Variants in WASHC2C observed in about 807,000 individuals in gnomAD.
The protein encoded by WASHC2C is Vaccinia Penetration Factor.
Under a neutral mutation model 142.2 loss-of-function variants are expected in WASHC2C, and 73 were observed. The observed-to-expected ratio is 0.51, with a 90% CI of 0.43 to 0.62. The LOEUF (loss-of-function observed/expected upper bound fraction) is 0.62, where lower values mean the gene tolerates loss of function less well. Among genes scored for constraint, WASHC2C ranks in the 20% least tolerant of loss-of-function variants. The pLI is 0.00. For synonymous variants in WASHC2C, 337 were observed against 565.5 expected (o/e 0.60, Z 5.73); for missense variants, 969 against 1,531.7 (o/e 0.63, Z 6.13).
At chr10:45,770,240 CAAAAA>C (rs552574113) in intron 20 of WASHC2C, among the ~76,000 whole-genome samples, 14 of 83,158 alleles carry the variant, frequency 1.7e-4, no homozygotes, top group Non-Finnish European at 2.3e-5. Context: ...GACTCCATCT[CAAAAA>C]AAAAAAAAAA....
At chr10:45,727,357 T>A (rs755640248) in intron 1 of WASHC2C, 37 bp downstream of exon 1, 7 of 1,601,584 alleles carry the variant, frequency 4.4e-6, no homozygotes, top group African/African-American at 1.3e-5. Flanking sequence ...CGGCCTGGGC[T>A]GGGGCCGCCG....
intron 28 of WASHC2C, among the ~76,000 whole-genome samples, chr10:45,787,970 A>G (rs2058167495): frequency 6.6e-6 from 1 of 152,230 alleles, no homozygotes; most frequent in Admixed American, 6.5e-5. Context: ...TCCCTTCTCT[A>G]GAAAGCTTTA....
At chr10:45,735,539 A>G (rs1350016211) in intron 3 of WASHC2C, among the ~76,000 whole-genome samples, 1 of 152,198 alleles carries the variant, frequency 6.6e-6, no homozygotes, top group Non-Finnish European at 1.5e-5. Context: ...TACAGGCATG[A>G]GCCACTGTCC....
Position 45,769,599 on chromosome 10 carries a change from T to C in WASHC2C, c.2020T>C (p.Phe674Leu). ...TGAGGAAGACAAAGAAGATGATCTT[T>C]TTGCCATTGCCAAGGACAGGTGAGA... ...LFEEDKEDDL[F>L]AIAKDSQKKT... Residue 674 changes from phenylalanine to leucine, a missense_variant, in exon 20 of 31, where the codon TTT becomes CTT. Physicochemically the swap from Phe to Leu is conservative, Grantham distance 22. Coordinates refer to ENST00000623400, the MANE Select transcript of WASHC2C (RefSeq NM_001330074.2). 6.2e-7 allele frequency: 1 copy of C among 1,611,914 alleles called. No individual in the cohort carries two copies. The highest frequency in any genetic ancestry group is 8.5e-7 in the Non-Finnish European group (1 of 1,179,860).
chr10:45,752,564 A>G (rs781891871), intron 11 of WASHC2C, 24 bp from the exon 12 acceptor site: 3 of 1,587,750 alleles, frequency 1.9e-6, no homozygotes, highest in Non-Finnish European at 2.6e-6. Flanking sequence ...TACTCCCTGC[A>G]AAACATTGCT....
At chr10:45,775,997 T>C (rs1416040633) in intron 21 of WASHC2C, among the ~76,000 whole-genome samples, 8 of 152,312 alleles carry the variant, frequency 5.3e-5, no homozygotes, top group South Asian at 2.1e-4. Context: ...AATTTTTATG[T>C]AGTTTTCAGT....
At chr10:45,752,201 A>T (rs1488845889) in intron 11 of WASHC2C, among the ~76,000 whole-genome samples, 2 of 152,228 alleles carry the variant, frequency 1.3e-5, no homozygotes, top group Non-Finnish European at 2.9e-5. Flanking sequence ...ATTACATTAG[A>T]CTTGTCCCTG....
intron 29 of WASHC2C, among the ~76,000 whole-genome samples, chr10:45,789,781 C>T (rs1463648179): frequency 6.6e-6 from 1 of 152,160 alleles, no homozygotes; most frequent in Admixed American, 6.5e-5. Flanking sequence ...TTGTAATCAG[C>T]TTCCTGGGCA....
At chr10:45,731,456 T>C (rs1488184913) in intron 3 of WASHC2C, among the ~76,000 whole-genome samples, 1 of 143,730 alleles carries the variant, frequency 7.0e-6, no homozygotes, top group Non-Finnish European at 1.5e-5. Flanking sequence ...ACTTCTGACC[T>C]CAAGCGATCT....
At chr10:45,784,252 G>GTGTGTGTATA in intron 23 of WASHC2C, among the ~76,000 whole-genome samples, 1 of 40,720 alleles carries the variant, frequency 2.5e-5, no homozygotes, top group African/African-American at 7.7e-5. Flanking sequence ...GTGTGTGTGT[G>GTGTGTGTATA]TATATATATA....
Position 45,784,252 on chromosome 10 carries a change from G to GTATATATATA in WASHC2C, c.2479-284_2479-275dup, listed in dbSNP as rs71225139. The stretch of plus-strand genomic sequence containing the variant: ...CATATATATATATATGTGTGTGTGT[G>GTATATATATA]TATATATATATATATATATATATAT... On this transcript the variant is annotated intron_variant, in intron 23 of 30. Coordinates refer to ENST00000623400, the MANE Select transcript of WASHC2C (RefSeq NM_001330074.2). Among the ~76,000 whole-genome samples, 167 of 40,622 alleles carry GTATATATATA rather than the reference G, an allele frequency of 4.1e-3. 5 individuals are homozygous for GTATATATATA. Among genetic ancestry groups the GTATATATATA allele is most frequent in the Middle Eastern group, 0.019 (1 of 54 alleles). 26.6% of individuals were successfully genotyped at this position (40,622 alleles called of 152,430 possible). A position where few individuals can be genotyped will look rare whatever the true frequency, so the allele number is the denominator to read the frequency against.
intron 19 of WASHC2C, among the ~76,000 whole-genome samples, 181 bp from the exon 20 acceptor site, chr10:45,769,268 C>T (rs1419234228): frequency 2.0e-5 from 3 of 151,274 alleles, no homozygotes; most frequent in Middle Eastern, 3.2e-3. Context: ...CAGGCTCCCG[C>T]CACCACGCCC....
At chr10:45,742,530 G>A (rs2052230436) in intron 5 of WASHC2C, among the ~76,000 whole-genome samples, 1 of 152,184 alleles carries the variant, frequency 6.6e-6, no homozygotes, top group Admixed American at 6.5e-5. Context: ...TGGCCAGGCT[G>A]GTCTCAAACT....
intron 20 of WASHC2C, among the ~76,000 whole-genome samples, chr10:45,772,212 A>T (rs1279739619): frequency 6.6e-6 from 1 of 151,808 alleles, no homozygotes; most frequent in East Asian, 1.9e-4. Context: ...GACAGAAAGT[A>T]GATTAGTGGT....
intron 6 of WASHC2C, 136 bp downstream of exon 6, chr10:45,743,619 A>G: frequency 2.1e-6 from 2 of 963,346 alleles, no homozygotes; most frequent in Non-Finnish European, 3.0e-6. Context: ...ACCAGTTAAC[A>G]TTTCACCACA....
At chr10:45,766,489 CAG>C (rs2055840990) in intron 19 of WASHC2C, among the ~76,000 whole-genome samples, 2 of 146,560 alleles carry the variant, frequency 1.4e-5, no homozygotes, top group African/African-American at 5.1e-5. Flanking sequence ...AGGGAAAGGT[CAG>C]AGAGACCTTT....
rs189344215 is a variant in WASHC2C, at chr10:45,736,267, A to G, written c.292-1716A>G. On this transcript the variant is annotated intron_variant, in intron 3 of 30. Coordinates refer to ENST00000623400, the MANE Select transcript of WASHC2C (RefSeq NM_001330074.2). ...AAAATACAAAAAAAATTAGCTGGGC[A>G]TGGTGGCAGGCACCTGTAGTCCCAG... Among the ~76,000 whole-genome samples, 302 of 151,142 alleles carry G rather than the reference A, an allele frequency of 2.0e-3. 2 individuals are homozygous for G. Among genetic ancestry groups the G allele is most frequent in the African/African-American group, 6.6e-3 (273 of 41,384 alleles).
At chr10:45,754,251 G>A (rs556730243) in intron 13 of WASHC2C, among the ~76,000 whole-genome samples, 171 of 152,228 alleles carry the variant, frequency 1.1e-3, no homozygotes, top group African/African-American at 3.8e-3. Flanking sequence ...GCTTGATGAC[G>A]GTCAGCATGC....
chr10:45,740,925 C>T (rs1233434840), intron 5 of WASHC2C, among the ~76,000 whole-genome samples: 9 of 151,248 alleles, frequency 6.0e-5, no homozygotes, highest in South Asian at 4.2e-4. Context: ...CAAGGCCTTC[C>T]GAATTAAAAC....
Sources: allele counts gnomAD v4.1 joint callset (sites outside exome capture counted in the v4.1 genomes callset), GRCh38; gene constraint gnomAD v4.1.1; transcripts MANE v1.5; gene names NCBI Gene and HGNC (gene_info 2026-07-23, HGNC 2026-07-21).